Variants in ROBO2 observed in about 807,000 individuals in gnomAD.
ROBO2 encodes roundabout homolog 2.
ROBO2 carries 53 observed loss-of-function variants against 160.8 expected under a neutral mutation model. That is an observed-to-expected ratio of 0.33 (90% CI 0.26 to 0.41). The LOEUF is 0.41. Among genes scored for constraint, ROBO2 ranks in the 10% least tolerant of loss-of-function variants. The pLI is 1.00. For synonymous variants in ROBO2, 664 were observed against 611.7 expected (o/e 1.09, Z -1.26); for missense variants, 1,577 against 1,722.4 (o/e 0.92, Z 1.49).
intron 2 of ROBO2, among the ~76,000 whole-genome samples, chr3:76,876,173 G>C (rs975891532): frequency 6.6e-6 from 1 of 152,156 alleles, no homozygotes; most frequent in Non-Finnish European, 1.5e-5. Flanking sequence ...CCAAGTTGGA[G>C]ATAAGAAGCA....
intron 2 of ROBO2, among the ~76,000 whole-genome samples, chr3:76,515,142 C>A (rs1426796744): frequency 6.6e-6 from 1 of 152,064 alleles, no homozygotes; most frequent in Non-Finnish European, 1.5e-5. Flanking sequence ...CAGCTATTTC[C>A]AGTTTGAGAT....
chr3:77,283,831 G>T (rs991332716), intron 2 of ROBO2, among the ~76,000 whole-genome samples: 10 of 152,130 alleles, frequency 6.6e-5, no homozygotes, highest in Non-Finnish European at 8.8e-5. Flanking sequence ...TACTTTGATT[G>T]ATAGGTCCTA....
intron 2 of ROBO2, among the ~76,000 whole-genome samples, chr3:77,222,318 C>A (rs1396903211): frequency 6.6e-6 from 1 of 152,134 alleles, no homozygotes; most frequent in Admixed American, 6.5e-5. Context: ...GAGAATGGCA[C>A]CTGCTTAAAA....
At chr3:77,420,719 C>T (rs749312889) in intron 2 of ROBO2, among the ~76,000 whole-genome samples, 98 of 152,238 alleles carry the variant, frequency 6.4e-4, no homozygotes, top group Non-Finnish European at 1.3e-3. Flanking sequence ...GTGCCTGAAG[C>T]TCCTTTCAGG....
chr3:77,549,760 A>G (rs1302090726), intron 7 of ROBO2, among the ~76,000 whole-genome samples: 1 of 152,026 alleles, frequency 6.6e-6, no homozygotes, highest in African/African-American at 2.4e-5. Flanking sequence ...TTCAAGGGTA[A>G]AAACATTTTA....
intron 2 of ROBO2, among the ~76,000 whole-genome samples, chr3:77,445,720 G>T (rs1422616185): frequency 6.7e-6 from 1 of 150,036 alleles, no homozygotes; most frequent in East Asian, 2.0e-4. Flanking sequence ...AAATATGCAT[G>T]TATTTTTGTC....
At chr3:76,713,483 C>T (rs752732290) in intron 2 of ROBO2, among the ~76,000 whole-genome samples, 3 of 151,912 alleles carry the variant, frequency 2.0e-5, no homozygotes, top group Non-Finnish European at 2.9e-5. Context: ...AAAATATTTC[C>T]GAGGAACTGT....
At chr3:76,323,140 C>A (rs922349208) in intron 2 of ROBO2, among the ~76,000 whole-genome samples, 5 of 78,584 alleles carry the variant, frequency 6.4e-5, no homozygotes, top group Non-Finnish European at 1.6e-4. Flanking sequence ...GTTAGTATTA[C>A]ACACACACAC....
intron 2 of ROBO2, among the ~76,000 whole-genome samples, chr3:76,948,908 A>ATTTT (rs1157110855): frequency 1.6e-4 from 4 of 24,972 alleles, no homozygotes; most frequent in Non-Finnish European, 2.0e-4. Flanking sequence ...ATATATATAT[A>ATTTT]TTTTTTTTTT....
intron 2 of ROBO2, among the ~76,000 whole-genome samples, chr3:77,293,052 G>T: frequency 6.6e-6 from 1 of 150,772 alleles, no homozygotes; most frequent in South Asian, 2.1e-4. Flanking sequence ...TGGTTAAATG[G>T]GTAAGCTGAG....
chr3:76,937,659 G>T (rs766325926), intron 2 of ROBO2, among the ~76,000 whole-genome samples: 10 of 151,946 alleles, frequency 6.6e-5, no homozygotes, highest in Non-Finnish European at 1.3e-4. Context: ...GTGCTTTTTG[G>T]CCATTTGCAC....
chr3:76,299,623 G>A (rs936527946), intron 2 of ROBO2, among the ~76,000 whole-genome samples: 3 of 152,106 alleles, frequency 2.0e-5, no homozygotes, highest in Non-Finnish European at 4.4e-5. Context: ...AAAGACTATT[G>A]TGTCCACAAA....
At chr3:76,831,506 G>GA (rs1217986356) in intron 2 of ROBO2, among the ~76,000 whole-genome samples, 2 of 152,024 alleles carry the variant, frequency 1.3e-5, no homozygotes, top group Non-Finnish European at 2.9e-5. Context: ...CTTCTAAAGA[G>GA]AAAAAATATG....
chr3:76,236,792 C>T (rs893546656), intron 2 of ROBO2, among the ~76,000 whole-genome samples: 10 of 151,834 alleles, frequency 6.6e-5, no homozygotes, highest in Non-Finnish European at 4.4e-5. Flanking sequence ...TTTGAATAGA[C>T]AGTTCAGAAT....
chr3:77,621,630 A>C (rs1254993402), intron 22 of ROBO2, among the ~76,000 whole-genome samples: 1 of 152,156 alleles, frequency 6.6e-6, no homozygotes, highest in Non-Finnish European at 1.5e-5. Context: ...CAGATACATA[A>C]ATAGCTACTA....
intron 2 of ROBO2, among the ~76,000 whole-genome samples, chr3:76,622,226 G>GAAAGAAAGAAAGAAAGAAA (rs1560251683): frequency 1.8e-4 from 10 of 54,332 alleles, no homozygotes; most frequent in African/African-American, 7.7e-4. Flanking sequence ...AAGGAAGGAA[G>GAAAGAAAGAAAGAAAGAAA]GAAGGAAGGA....
intron 2 of ROBO2, among the ~76,000 whole-genome samples, chr3:76,878,591 T>C (rs1235299240): frequency 6.6e-6 from 1 of 152,022 alleles, no homozygotes; most frequent in African/African-American, 2.4e-5. Flanking sequence ...CTAAGACCAA[T>C]ATGAAAATTG....
At chr3:77,163,074 G>A (rs549690556) in intron 2 of ROBO2, among the ~76,000 whole-genome samples, 1 of 152,154 alleles carries the variant, frequency 6.6e-6, no homozygotes, top group African/African-American at 2.4e-5. Context: ...GACCTCAGGT[G>A]ATCCGCCTGC....
chr3:77,368,940 A>C (rs956343416), intron 2 of ROBO2, among the ~76,000 whole-genome samples: 1 of 152,164 alleles, frequency 6.6e-6, no homozygotes, highest in African/African-American at 2.4e-5. Flanking sequence ...TGAGTTAATT[A>C]ATTCGAAAAT....
Sources: gnomAD v4.1 joint callset for allele counts (sites outside exome capture counted in the v4.1 genomes callset) on GRCh38, gnomAD v4.1.1 for gene constraint, MANE v1.5 for transcripts, NCBI Gene and HGNC (gene_info 2026-07-23, HGNC 2026-07-21) for gene names.